Variants in NBAS observed in about 807,000 individuals in gnomAD.
The protein encoded by NBAS is NAG/BC035112 fusion.
In NBAS, 219 loss-of-function variants were observed where a neutral mutation model predicts 302.5. The ratio of observed to expected loss-of-function variants is 0.72; its 90% CI spans 0.65 to 0.81. NBAS has a LOEUF of 0.81. NBAS is among the 30% of genes least tolerant of loss of function. NBAS has a pLI of 0.00. For synonymous variants in NBAS, 1,118 were observed against 1,021.6 expected, an observed-to-expected ratio of 1.09 and a Z score of -1.80; for missense variants, 2,932 against 2,841.6, an observed-to-expected ratio of 1.03 and a Z score of -0.72.
chr2:14,796,095 T>C, the NBAS span, among the ~76,000 whole-genome samples: 1 of 152,246 alleles, frequency 6.6e-6, no homozygotes, highest in East Asian at 1.9e-4. Context: ...GAACCATTTG[T>C]TGAAAAGAAT....
At chr2:14,813,114 C>A in the NBAS span, among the ~76,000 whole-genome samples, 18 of 152,274 alleles carry the variant, frequency 1.2e-4, no homozygotes, top group Middle Eastern at 3.4e-3. Context: ...GTCAATTAAA[C>A]CTCTTCATAA....
chr2:15,137,459 G>C, the NBAS span, among the ~76,000 whole-genome samples: 1 of 152,110 alleles, frequency 6.6e-6, no homozygotes, highest in African/African-American at 2.4e-5. Flanking sequence ...TAATCAAACA[G>C]AGCCACAAAA....
At chr2:15,315,724 ATTG>A (rs1484134316) in intron 38 of NBAS, among the ~76,000 whole-genome samples, 1 of 152,150 alleles carries the variant, frequency 6.6e-6, no homozygotes, top group Non-Finnish European at 1.5e-5. Context: ...CCCTAACACA[ATTG>A]TTGTTGAAGT....
intron 50 of NBAS, among the ~76,000 whole-genome samples, chr2:15,181,031 T>C (rs1442777212): frequency 6.6e-6 from 1 of 152,224 alleles, no homozygotes; most frequent in Admixed American, 6.5e-5. Flanking sequence ...TCTTTTATCT[T>C]GTATTATGGT....
the NBAS span, among the ~76,000 whole-genome samples, chr2:15,113,553 T>C: frequency 3.2e-3 from 493 of 152,178 alleles, 7 homozygotes; most frequent in African/African-American, 0.011. Context: ...TCAAAGGACA[T>C]GGGAGCTAAG....
At chr2:15,318,238 T>A (rs1671610415) in intron 38 of NBAS, among the ~76,000 whole-genome samples, 1 of 152,200 alleles carries the variant, frequency 6.6e-6, no homozygotes, top group African/African-American at 2.4e-5. Context: ...CAAGAGCTCC[T>A]GAAGGGAGCA....
intron 28 of NBAS, among the ~76,000 whole-genome samples, chr2:15,391,637 A>AT (rs1675609742): frequency 6.6e-6 from 1 of 152,042 alleles, no homozygotes; most frequent in South Asian, 2.1e-4. Context: ...ATACGCAAAA[A>AT]TTTTCCAAGT....
At position 15,511,481 on chromosome 2, in the gene NBAS, G is replaced by T. The variant is rs1572950287; in HGVS notation, c.747-131C>A. 8 of 794,874 alleles carry T rather than the reference G, an allele frequency of 1.0e-5. 1 individual carries two copies. The East Asian group carries it at 1.6e-4, about 16-fold the overall frequency. 49.2% of individuals were successfully genotyped at this position (794,874 alleles called of 1,614,324 possible). On this transcript the variant is annotated intron_variant, in intron 9 of 51. Transcript: ENST00000281513. ...TATTAATATATGTTAAACCTAGAAG[G>T]TAAATATTTCAGAGGAAACAATCAA...
intron 6 of NBAS, among the ~76,000 whole-genome samples, chr2:15,547,194 A>C (rs73202785): frequency 0.013 from 1,922 of 152,302 alleles, 37 homozygotes; most frequent in African/African-American, 0.044. Flanking sequence ...TAATTGAAAA[A>C]TATCAGAGTA....
chr2:15,188,723 A>C (rs934265548), intron 49 of NBAS, among the ~76,000 whole-genome samples: 17 of 152,238 alleles, frequency 1.1e-4, no homozygotes, highest in African/African-American at 3.6e-4. Flanking sequence ...AAATGTTTTA[A>C]GTAAAGCTGA....
the NBAS span, among the ~76,000 whole-genome samples, chr2:14,811,886 C>A: frequency 6.6e-6 from 1 of 152,154 alleles, no homozygotes; most frequent in Non-Finnish European, 1.5e-5. Flanking sequence ...AAAGAATAAA[C>A]AATCTATGAG....
intron 35 of NBAS, 45 bp downstream of exon 35, chr2:15,351,947 C>T (rs545749562): frequency 2.1e-6 from 3 of 1,423,940 alleles, no homozygotes; most frequent in Non-Finnish European, 3.0e-6. Flanking sequence ...CACTTTATTC[C>T]ACTCTCAGCC....
At chr2:14,857,571 G>C in the NBAS span, among the ~76,000 whole-genome samples, 1 of 151,964 alleles carries the variant, frequency 6.6e-6, no homozygotes, top group Non-Finnish European at 1.5e-5. Context: ...CATACATTGG[G>C]GAAAGGACAG....
intron 32 of NBAS, among the ~76,000 whole-genome samples, chr2:15,365,350 CT>C (rs1316818737): frequency 1.3e-5 from 2 of 152,180 alleles, no homozygotes; most frequent in African/African-American, 4.8e-5. Context: ...GGCCTGGATC[CT>C]TATGGAATAT....
At chr2:15,415,945 A>G (rs2148460125) in intron 24 of NBAS, among the ~76,000 whole-genome samples, 1 of 152,292 alleles carries the variant, frequency 6.6e-6, no homozygotes, top group East Asian at 1.9e-4. Flanking sequence ...GACAGCAACA[A>G]TATCACTATG....
chr2:14,916,633 C>T, the NBAS span, among the ~76,000 whole-genome samples: 24 of 152,240 alleles, frequency 1.6e-4, no homozygotes, highest in African/African-American at 4.3e-4. Flanking sequence ...TGATTTTTCT[C>T]ACTGTAACTA....
At chr2:14,874,627 G>A in the NBAS span, among the ~76,000 whole-genome samples, 48 of 145,200 alleles carry the variant, frequency 3.3e-4, no homozygotes, top group Admixed American at 1.4e-3. Context: ...ACGACAAAGC[G>A]AGACTCTGTC....
chr2:15,507,846 T>A (rs1400803033), intron 10 of NBAS, among the ~76,000 whole-genome samples: 2 of 152,044 alleles, frequency 1.3e-5, no homozygotes, highest in Non-Finnish European at 2.9e-5. Flanking sequence ...TAGATGACAC[T>A]AACATTAATT....
chr2:14,949,980 G>A, the NBAS span, among the ~76,000 whole-genome samples: 1 of 152,136 alleles, frequency 6.6e-6, no homozygotes, highest in Non-Finnish European at 1.5e-5. Context: ...GTGTTTGATA[G>A]ATCAATGGAG....
Sources: gnomAD v4.1 joint callset for allele counts (sites outside exome capture counted in the v4.1 genomes callset) on GRCh38, gnomAD v4.1.1 for gene constraint, MANE v1.5 for transcripts, NCBI Gene and HGNC (gene_info 2026-07-23, HGNC 2026-07-21) for gene names.